Variants in CCSER1 observed in about 807,000 individuals in gnomAD.
The protein encoded by CCSER1 is coiled-coil serine rich protein 1, also known as serine-rich coiled-coil domain-containing protein 1.
A neutral mutation model predicts 82.0 loss-of-function variants in CCSER1; 41 were observed. That is an observed-to-expected ratio of 0.50 (90% CI 0.39 to 0.65). The LOEUF is 0.65. Ranked by LOEUF, CCSER1 falls within the 30% of genes least tolerant of loss-of-function variation. CCSER1 has a pLI of 0.00. For missense variants in CCSER1, 1,119 were observed against 1,064.2 expected (o/e 1.05, Z -0.72); for synonymous variants, 414 against 383.9 (o/e 1.08, Z -0.92).
intron 9 of CCSER1, among the ~76,000 whole-genome samples, chr4:91,076,783 C>G (rs1048524341): frequency 5.3e-5 from 8 of 152,042 alleles, no homozygotes; most frequent in Non-Finnish European, 1.2e-4. Flanking sequence ...GAGATCAATC[C>G]AACACTGGAA....
At chr4:91,020,061 TTATAA>T (rs1292938133) in intron 9 of CCSER1, among the ~76,000 whole-genome samples, 9 of 152,060 alleles carry the variant, frequency 5.9e-5, no homozygotes, top group African/African-American at 1.9e-4. Context: ...AGAGTAAGAA[TTATAA>T]TATACCTAAA....
intron 1 of CCSER1, among the ~76,000 whole-genome samples, chr4:90,223,453 A>G (rs1742548925): frequency 1.3e-5 from 2 of 152,234 alleles, no homozygotes. Flanking sequence ...ACTACAGGCT[A>G]TGAACAAGAA....
At chr4:91,427,511 T>A (rs1442397244) in intron 10 of CCSER1, among the ~76,000 whole-genome samples, 3 of 152,086 alleles carry the variant, frequency 2.0e-5, no homozygotes, top group African/African-American at 7.2e-5. Flanking sequence ...TAAGCATATT[T>A]TAGATGAGTT....
intron 10 of CCSER1, among the ~76,000 whole-genome samples, chr4:91,591,222 A>G (rs921705944): frequency 4.6e-5 from 7 of 152,132 alleles, no homozygotes; most frequent in Non-Finnish European, 8.8e-5. Flanking sequence ...TAAAATGAAA[A>G]TGCTTATTTA....
chr4:91,053,860 T>C (rs547799900), intron 9 of CCSER1, among the ~76,000 whole-genome samples: 2 of 152,346 alleles, frequency 1.3e-5, no homozygotes, highest in African/African-American at 4.8e-5. Flanking sequence ...CTGTTCATAC[T>C]GTAATGTCTT....
At position 91,496,738 on chromosome 4, in the gene CCSER1, T is replaced by A. The variant is rs1378579646; in HGVS notation, c.2218-101834T>A. 3.3e-5 allele frequency among the ~76,000 whole-genome samples: 2 copies of A among 61,246 alleles called. 1 individual carries two copies. Among genetic ancestry groups the A allele is most frequent in the Non-Finnish European group, 6.6e-5 (2 of 30,176 alleles). The allele number at this position is 61,246 out of a possible 152,430, so 40.2% of individuals were successfully genotyped here. On this transcript the variant is annotated intron_variant, in intron 10 of 10. Transcript: ENST00000509176. ...CAATATATAGAATATATATATATAT[T>A]GAATATATATTTGAATATATATATA...
At chr4:90,478,993 C>A (rs1765502596) in intron 5 of CCSER1, among the ~76,000 whole-genome samples, 1 of 152,086 alleles carries the variant, frequency 6.6e-6, no homozygotes, top group South Asian at 2.1e-4. Context: ...CCTGCCTCAG[C>A]CTCCCAAAGT....
intron 9 of CCSER1, among the ~76,000 whole-genome samples, chr4:91,007,675 CA>C (rs55642634): frequency 0.01 from 1,381 of 133,112 alleles, 10 homozygotes; most frequent in East Asian, 0.03. Flanking sequence ...TTTATCTTCT[CA>C]AAAAAAAAAA....
intron 8 of CCSER1, among the ~76,000 whole-genome samples, chr4:90,888,216 A>C (rs1722439826): frequency 6.6e-6 from 1 of 152,156 alleles, no homozygotes; most frequent in South Asian, 2.1e-4. Context: ...AGTTGAATTC[A>C]AAAAAATCAG....
At chr4:91,056,111 T>C (rs1743421897) in intron 9 of CCSER1, among the ~76,000 whole-genome samples, 1 of 152,130 alleles carries the variant, frequency 6.6e-6, no homozygotes, top group Non-Finnish European at 1.5e-5. Context: ...ATTCTTCATG[T>C]CTTTAGTTCT....
intron 7 of CCSER1, among the ~76,000 whole-genome samples, chr4:90,749,519 G>A (rs1188035309): frequency 2.9e-4 from 44 of 152,078 alleles, no homozygotes; most frequent in East Asian, 7.7e-4. Flanking sequence ...TTGGCTATGC[G>A]GGCTCTTTTT....
chr4:90,813,619 G>T (rs929400091), intron 7 of CCSER1, among the ~76,000 whole-genome samples: 3 of 152,142 alleles, frequency 2.0e-5, no homozygotes, highest in Non-Finnish European at 2.9e-5. Flanking sequence ...TTCATCAGGG[G>T]TTTCCACTTT....
At chr4:91,508,009 T>G (rs985112357) in intron 10 of CCSER1, among the ~76,000 whole-genome samples, 25 of 92,136 alleles carry the variant, frequency 2.7e-4, no homozygotes, top group African/African-American at 1.0e-3. Flanking sequence ...TATATATATA[T>G]ATGAAATTAT....
chr4:91,213,335 TG>T (rs1180826867), intron 10 of CCSER1, among the ~76,000 whole-genome samples: 1 of 152,176 alleles, frequency 6.6e-6, no homozygotes, highest in African/African-American at 2.4e-5. Flanking sequence ...GATGTAGTGC[TG>T]CTTTCACAGA....
At chr4:91,098,508 C>T (rs1396696951) in intron 10 of CCSER1, among the ~76,000 whole-genome samples, 1 of 152,010 alleles carries the variant, frequency 6.6e-6, no homozygotes, top group East Asian at 1.9e-4. Flanking sequence ...TAAGCAAAGT[C>T]ACTCTTTTCT....
At chr4:91,367,029 C>T (rs1294445502) in intron 10 of CCSER1, among the ~76,000 whole-genome samples, 1 of 147,102 alleles carries the variant, frequency 6.8e-6, no homozygotes, top group Non-Finnish European at 1.5e-5. Flanking sequence ...CACAGTGGCT[C>T]TTGCCTATAA....
intron 8 of CCSER1, among the ~76,000 whole-genome samples, chr4:90,894,028 G>A (rs1723343942): frequency 6.6e-6 from 1 of 151,942 alleles, no homozygotes; most frequent in Non-Finnish European, 1.5e-5. Flanking sequence ...AATGAAAATA[G>A]ATGTTCTGAA....
At chr4:90,814,808 G>C (rs145589891) in intron 7 of CCSER1, among the ~76,000 whole-genome samples, 3 of 152,132 alleles carry the variant, frequency 2.0e-5, no homozygotes, top group Non-Finnish European at 4.4e-5. Context: ...CCTGGACTTT[G>C]TTGACCAAAT....
intron 1 of CCSER1, among the ~76,000 whole-genome samples, chr4:90,232,320 A>G (rs377678406): frequency 2.0e-5 from 3 of 151,368 alleles, no homozygotes; most frequent in East Asian, 2.0e-4. Flanking sequence ...ATAATGCCGC[A>G]TATCTACAAC....
Sources: gnomAD v4.1 joint callset for allele counts (sites outside exome capture counted in the v4.1 genomes callset) on GRCh38, gnomAD v4.1.1 for gene constraint, MANE v1.5 for transcripts, NCBI Gene and HGNC (gene_info 2026-07-23, HGNC 2026-07-21) for gene names.